FILIP1: variants seen among roughly 807,000 people sequenced by gnomAD.
FILIP1 encodes filamin-A-interacting protein 1.
A neutral mutation model predicts 102.1 loss-of-function variants in FILIP1; 61 were observed. That is an observed-to-expected ratio of 0.60 (90% confidence interval 0.49 to 0.74). The LOEUF (loss-of-function observed/expected upper bound fraction) is 0.74. Ranked by LOEUF, FILIP1 falls within the 30% of genes least tolerant of loss-of-function variation. The pLI is 0.00. For missense variants in FILIP1, 1,314 were observed against 1,441.2 expected (o/e 0.91, Z 1.43); for synonymous variants, 491 against 526.9 (o/e 0.93, Z 0.93).
intron 1 of FILIP1, among the ~76,000 whole-genome samples, chr6:75,462,392 A>T (rs1026707219): frequency 1.4e-4 from 21 of 152,242 alleles, no homozygotes; most frequent in African/African-American, 4.8e-4. Context: ...GAGGCTGCAC[A>T]ACTGGAATGG....
At chr6:75,362,976 CA>C in intron 2 of FILIP1, 59 bp from the exon 3 acceptor site, 2 of 1,527,606 alleles carry the variant, frequency 1.3e-6, no homozygotes, top group Non-Finnish European at 1.8e-6. Flanking sequence ...ATACTGGGCT[CA>C]AAAAATCAAC....
At chr6:75,385,986 C>T (rs1776082522) in intron 2 of FILIP1, among the ~76,000 whole-genome samples, 1 of 152,088 alleles carries the variant, frequency 6.6e-6, no homozygotes, top group Non-Finnish European at 1.5e-5. Context: ...CCAAGAACCA[C>T]TGGCCAAGAT....
chr6:75,451,817 C>A (rs112804912), intron 1 of FILIP1, among the ~76,000 whole-genome samples: 2 of 152,022 alleles, frequency 1.3e-5, no homozygotes, highest in African/African-American at 4.8e-5. Flanking sequence ...CTGGGCATTG[C>A]AGCGAGACTC....
chr6:75,361,465 A>T (rs1174436153), intron 3 of FILIP1, among the ~76,000 whole-genome samples: 3 of 152,172 alleles, frequency 2.0e-5, no homozygotes, highest in Admixed American at 6.5e-5. Context: ...CCAAGTTATT[A>T]TTATTATCAT....
At position 75,314,662 on chromosome 6, in the gene FILIP1, C is replaced by T; in HGVS notation, c.1170G>A (p.Met390Ile). Reference sequence around the variant, plus strand: ...TAGTGATCTCCTCATCTTTACCTTCCATTTCAAGCACACGCTTTCGAAGAT... The same window carrying T: ...TAGTGATCTCCTCATCTTTACCTTCTATTTCAAGCACACGCTTTCGAAGAT... ...VENLRKRVLEMEGKDEEITKT... is the reference protein window; with the variant it reads ...VENLRKRVLEIEGKDEEITKT... The change falls in exon 5 of 6, where the codon ATG becomes ATA. Residue 390 changes from methionine (M) to isoleucine (I), a missense_variant. Met to Ile is a conservative substitution (Grantham distance 10, BLOSUM62 1). Around this residue, in one of 3 missense-constraint regions of FILIP1, gnomAD observed 494 missense variants for 511.2 expected, o/e 0.97. Transcript: ENST00000237172. 1 of 1,613,620 alleles carries T rather than the reference C, an allele frequency of 6.2e-7. No individual in the cohort carries two copies. Among genetic ancestry groups the T allele is most frequent in the East Asian group, 2.2e-5 (1 of 44,876 alleles).
intron 2 of FILIP1, among the ~76,000 whole-genome samples, chr6:75,364,120 G>A (rs1266954358): frequency 6.6e-6 from 1 of 152,132 alleles, no homozygotes; most frequent in African/African-American, 2.4e-5. Context: ...CAGTGAACTG[G>A]AATTTGCAGA....
At chr6:75,467,895 C>A (rs777663879) in intron 1 of FILIP1, among the ~76,000 whole-genome samples, 2 of 152,176 alleles carry the variant, frequency 1.3e-5, no homozygotes, top group Non-Finnish European at 2.9e-5. Context: ...TACAGGAGAG[C>A]AGTAGGAACA....
intron 2 of FILIP1, among the ~76,000 whole-genome samples, chr6:75,393,393 G>A (rs1007924182): frequency 1.3e-5 from 2 of 151,928 alleles, no homozygotes; most frequent in African/African-American, 2.4e-5. Context: ...CCTAAAATTC[G>A]CTCTTATTTT....
intron 2 of FILIP1, chr6:75,367,401 C>A (rs915992605): frequency 6.6e-6 from 1 of 152,214 alleles, no homozygotes; most frequent in African/African-American, 2.4e-5. Flanking sequence ...TTTGGGAGGC[C>A]GAGGCAGGTG....
At chr6:75,486,441 G>A (rs1342565006) in intron 1 of FILIP1, among the ~76,000 whole-genome samples, 1 of 147,228 alleles carries the variant, frequency 6.8e-6, no homozygotes, top group Non-Finnish European at 1.5e-5. Flanking sequence ...TTAGCCTTCT[G>A]ACCCTAAATC....
chr6:75,319,918 T>C, intron 4 of FILIP1: 1 of 469,386 alleles, frequency 2.1e-6, no homozygotes, highest in South Asian at 2.3e-5. Context: ...CCGGACAAGT[T>C]TGCACAAAGA....
intron 4 of FILIP1, among the ~76,000 whole-genome samples, chr6:75,340,704 G>GTT (rs201965376): frequency 6.7e-6 from 1 of 149,694 alleles, no homozygotes; most frequent in African/African-American, 2.5e-5. Flanking sequence ...TTTCGTTTTT[G>GTT]TTTTTTTTTG....
chr6:75,370,704 G>A (rs1775490790), intron 2 of FILIP1, among the ~76,000 whole-genome samples: 1 of 150,260 alleles, frequency 6.7e-6, no homozygotes. Flanking sequence ...AGCCTCCCCA[G>A]TAGCTGGGAT....
chr6:75,296,341 T>TTGTGTGTGTGTG (rs57430339), intron 6 of FILIP1, among the ~76,000 whole-genome samples: 18 of 141,536 alleles, frequency 1.3e-4, no homozygotes, highest in Admixed American at 4.2e-4. Flanking sequence ...TTCAATTTCT[T>TTGTGTGTGTGTG]TGTGTGTGTG....
chr6:75,478,720 GT>G (rs1406251634), intron 1 of FILIP1, among the ~76,000 whole-genome samples: 2 of 152,138 alleles, frequency 1.3e-5, no homozygotes, highest in Non-Finnish European at 2.9e-5. Context: ...CCTTGAGAAA[GT>G]TTAAACTTTC....
At chr6:75,358,871 C>T (rs774210227) in intron 3 of FILIP1, among the ~76,000 whole-genome samples, 1 of 151,494 alleles carries the variant, frequency 6.6e-6, no homozygotes, top group African/African-American at 2.4e-5. Context: ...CACAGGCGCG[C>T]ACCACCACTC....
At chr6:75,384,879 C>T (rs908191396) in intron 2 of FILIP1, 5 of 148,772 alleles carry the variant, frequency 3.4e-5, no homozygotes, top group African/African-American at 1.2e-4. Context: ...ACTGCAGCTT[C>T]AACCTCCAAG....
rs149667688 is a variant in FILIP1, at chr6:75,428,464, G to C, written c.-6-13486C>G. 360 of 154,352 alleles carry C rather than the reference G, an allele frequency of 2.3e-3. 3 individuals are homozygous for C. The highest frequency in any genetic ancestry group is 7.8e-3 in the African/African-American group (325 of 41,616). The allele number at this position is 154,352 out of a possible 1,614,324, so 9.6% of individuals were successfully genotyped here. A position where few individuals can be genotyped will look rare whatever the true frequency, so the allele number is the denominator to read the frequency against. ...AATTTGTGAGACTGGGGTGGGGCCT[G>C]AGAATTTGCATTTCTCACAAGTTTC... On this transcript the variant is annotated intron_variant, in intron 1 of 5. Coordinates refer to ENST00000237172, the MANE Select transcript of FILIP1 (RefSeq NM_015687.5).
chr6:75,294,326 G>A (rs941872911), exon 7 of FILIP1: 1 of 152,012 alleles, frequency 6.6e-6, no homozygotes. Context: ...TTTAATTTCA[G>A]TAAAGTTACA....
Sources: gnomAD v4.1 joint callset for allele counts (sites outside exome capture counted in the v4.1 genomes callset) on GRCh38, gnomAD v4.1.1 for gene constraint, gnomAD v4.1.1 regional missense constraint, MANE v1.5 for transcripts, NCBI Gene and HGNC (gene_info 2026-07-23, HGNC 2026-07-21) for gene names.